PLGRKT: variants seen among roughly 807,000 people sequenced by gnomAD.
PLGRKT encodes the protein plasminogen receptor (KT).
PLGRKT carries 22 observed loss-of-function variants against 18.5 expected under a neutral mutation model. That is an observed-to-expected ratio of 1.19 (90% confidence interval 0.85 to 1.70). The LOEUF is 1.70. Among genes scored for constraint, PLGRKT ranks in the 40% most tolerant of loss-of-function variants. PLGRKT has a pLI of 0.00. For synonymous variants in PLGRKT, 72 were observed against 52.8 expected, an observed-to-expected ratio of 1.36 and a Z score of -1.58; for missense variants, 235 against 174.4, an observed-to-expected ratio of 1.35 and a Z score of -1.96.
chr9:5,366,939 T>A (rs527343631), intron 3 of PLGRKT, among the ~76,000 whole-genome samples: 1 of 151,000 alleles, frequency 6.6e-6, no homozygotes, highest in Non-Finnish European at 1.5e-5. Flanking sequence ...AAACAAAAAT[T>A]AGTAGCATTT....
intron 3 of PLGRKT, among the ~76,000 whole-genome samples, chr9:5,430,817 G>A (rs72705415): frequency 0.062 from 9,413 of 152,240 alleles, 387 homozygotes; most frequent in Middle Eastern, 0.11. Context: ...AATAATTCGG[G>A]TCAAACTTTT....
intron 3 of PLGRKT, among the ~76,000 whole-genome samples, chr9:5,427,303 G>C (rs1417740254): frequency 6.6e-6 from 1 of 151,944 alleles, no homozygotes; most frequent in Non-Finnish European, 1.5e-5. Flanking sequence ...GGTAACCCTT[G>C]TTTTACTTAA....
intron 3 of PLGRKT, among the ~76,000 whole-genome samples, chr9:5,409,174 G>C (rs577052180): frequency 6.6e-6 from 1 of 152,340 alleles, no homozygotes; most frequent in African/African-American, 2.4e-5. Context: ...AATACTGAGT[G>C]TCAACTTGAT....
Position 5,418,242 on chromosome 9 carries a change from C to G in PLGRKT, c.81+13655G>C. 2.7e-6 allele frequency: 1 copy of G among 364,892 alleles called. No individual in the cohort carries two copies. The highest frequency in any genetic ancestry group is 5.8e-5 in the East Asian group (1 of 17,124). 22.6% of individuals were successfully genotyped at this position (364,892 alleles called of 1,614,324 possible). ...GTCTGTCTTGCGGTAAATCAAGAGG[C>G]AAACCAGAGGCCAGCTCTCAGCACC... On this transcript the variant is annotated intron_variant, in intron 3 of 5. Coordinates refer to ENST00000223864, the MANE Select transcript of PLGRKT (RefSeq NM_018465.4). The surrounding 1 kb of genome is among the most constrained non-coding windows in gnomAD (Gnocchi z 4.2).
intron 3 of PLGRKT, among the ~76,000 whole-genome samples, chr9:5,392,000 C>T (rs920555477): frequency 2.0e-5 from 3 of 151,974 alleles, no homozygotes; most frequent in Middle Eastern, 3.4e-3. Flanking sequence ...CTGGCCTGGG[C>T]AACACTAAAC....
intron 3 of PLGRKT, among the ~76,000 whole-genome samples, chr9:5,388,542 A>C (rs1817888190): frequency 6.6e-6 from 1 of 151,756 alleles, no homozygotes; most frequent in African/African-American, 2.4e-5. Context: ...AAACTGGCCT[A>C]CTCTTTCACT....
intron 3 of PLGRKT, among the ~76,000 whole-genome samples, chr9:5,411,126 G>A (rs1818354757): frequency 6.6e-6 from 1 of 152,118 alleles, no homozygotes; most frequent in Non-Finnish European, 1.5e-5. Flanking sequence ...ACTCACGCCT[G>A]TAATCCCAAC....
At chr9:5,417,982 G>C (rs1818496414) in intron 3 of PLGRKT, among the ~76,000 whole-genome samples, 1 of 152,174 alleles carries the variant, frequency 6.6e-6, no homozygotes, top group South Asian at 2.1e-4. Context: ...CTTGCATACA[G>C]AGCATCTTTG....
rs770391492 is a variant in PLGRKT at position 5,431,903 on chromosome 9, T to A, written c.75A>T (p.Arg25=). Residue 25 remains arginine, a synonymous_variant, in exon 3 of 6, where the codon CGA becomes CGT. Coordinates refer to ENST00000223864, the MANE Select transcript of PLGRKT (RefSeq NM_018465.4). ...TAATTATTTTAAAACATACCTGAAG[T>A]CGAGCATTCATAAGCATGAACTCCT... ...NQKEFMLMNA[R]LQLERQLIMQ... 1 of 1,463,568 alleles carries A rather than the reference T, an allele frequency of 6.8e-7. No homozygotes were observed. 90.7% of individuals were successfully genotyped at this position (1,463,568 alleles called of 1,614,324 possible). A position where few individuals can be genotyped will look rare whatever the true frequency, so the allele number is the denominator to read the frequency against.
chr9:5,375,297 C>T (rs1817606775), intron 3 of PLGRKT, among the ~76,000 whole-genome samples: 1 of 152,082 alleles, frequency 6.6e-6, no homozygotes, highest in African/African-American at 2.4e-5. Context: ...AATAGTGGTT[C>T]ATTATGGGCC....
chr9:5,429,102 A>T (rs959938500), intron 3 of PLGRKT, among the ~76,000 whole-genome samples: 1 of 152,238 alleles, frequency 6.6e-6, no homozygotes, highest in Non-Finnish European at 1.5e-5. Flanking sequence ...GGACCTTTAT[A>T]GCCAATTCAA....
rs992865342 is a variant in PLGRKT at position 5,418,012 on chromosome 9, G to A, written c.81+13885C>T. ...TCTTTGTTTTAATCTAACGGATTTC[G>A]AGAAGATCACATTGTACGCACTTGT... On this transcript the variant is annotated intron_variant, in intron 3 of 5. Transcript: ENST00000223864. The surrounding 1 kb of genome is among the most constrained non-coding windows in gnomAD (Gnocchi z 4.2). Among the ~76,000 whole-genome samples the A allele has an allele frequency of 6.6e-6, 1 of 152,126 alleles. No individual in the cohort carries two copies. Among genetic ancestry groups the A allele is most frequent in the Admixed American group, 6.5e-5 (1 of 15,274 alleles).
chr9:5,359,332 G>A (rs1020654379), intron 5 of PLGRKT, among the ~76,000 whole-genome samples: 51 of 152,260 alleles, frequency 3.3e-4, no homozygotes, highest in African/African-American at 1.1e-3. Flanking sequence ...TTACAGGTGT[G>A]AGCCACTGCA....
chr9:5,379,145 T>C lies in PLGRKT; in HGVS notation c.82-17257A>G, dbSNP rs543719891. Among the ~76,000 whole-genome samples the C allele has an allele frequency of 3.9e-4, 60 of 152,232 alleles. No homozygotes were observed. The Middle Eastern group carries it at 0.01, about 26-fold the overall frequency. On this transcript the variant is annotated intron_variant, in intron 3 of 5. Coordinates refer to ENST00000223864, the MANE Select transcript of PLGRKT (RefSeq NM_018465.4). ...ATCAGCAGAATGGTTGAATATATAA[T>C]CAACACACAAACATTACAGATTTTC...
intron 1 of PLGRKT, among the ~76,000 whole-genome samples, chr9:5,436,942 T>A (rs1307064277): frequency 6.6e-6 from 1 of 152,174 alleles, no homozygotes; most frequent in Non-Finnish European, 1.5e-5. Flanking sequence ...AAGTTAAGTC[T>A]TTTAAAAATT....
chr9:5,378,246 T>C (rs990277062), intron 3 of PLGRKT, among the ~76,000 whole-genome samples: 1 of 152,156 alleles, frequency 6.6e-6, no homozygotes, highest in Non-Finnish European at 1.5e-5. Context: ...ATAATAAAGG[T>C]AATGCAGAAC....
intron 3 of PLGRKT, among the ~76,000 whole-genome samples, chr9:5,364,925 T>C (rs142651923): frequency 1.2e-4 from 18 of 152,296 alleles, no homozygotes; most frequent in African/African-American, 4.1e-4. Flanking sequence ...TAGTGCTTGA[T>C]ACAGACATAG....
intron 3 of PLGRKT, among the ~76,000 whole-genome samples, chr9:5,380,954 G>T (rs943914597): frequency 1.3e-5 from 2 of 152,168 alleles, no homozygotes; most frequent in Non-Finnish European, 2.9e-5. Flanking sequence ...CGAGTTCTCA[G>T]AAGACCTGAT....
intron 3 of PLGRKT, among the ~76,000 whole-genome samples, chr9:5,365,973 A>C (rs1283062688): frequency 1.3e-5 from 2 of 152,186 alleles, no homozygotes; most frequent in African/African-American, 4.8e-5. Context: ...ATGGGCCTAG[A>C]GTGAGAAAAA....
Sources: allele counts gnomAD v4.1 joint callset (sites outside exome capture counted in the v4.1 genomes callset), GRCh38; gene constraint gnomAD v4.1.1; non-coding constraint Gnocchi (gnomAD v3.1); transcripts MANE v1.5; gene names NCBI Gene and HGNC (gene_info 2026-07-23, HGNC 2026-07-21).